Variants in HPSE observed in about 807,000 individuals in gnomAD.
HPSE encodes heparanase.
In HPSE, 48 loss-of-function variants were observed where a neutral mutation model predicts 65.1. That is an observed-to-expected ratio of 0.74 (90% CI 0.58 to 0.94). The LOEUF is 0.94. Among genes scored for constraint, HPSE ranks in the 40% least tolerant of loss-of-function variants. HPSE has a pLI of 0.00. For missense variants in HPSE, 644 were observed against 637.5 expected (o/e 1.01, Z -0.11); for synonymous variants, 243 against 260.0 (o/e 0.93, Z 0.63).
rs367786140 is a variant in HPSE at position 83,295,433 on chromosome 4, G to T, written c.1543C>A (p.Pro515Thr). The T allele has an allele frequency of 2.2e-5, 36 of 1,613,444 alleles. No homozygotes were observed. Among genetic ancestry groups the T allele is most frequent in the Non-Finnish European group, 3.0e-5 (35 of 1,179,526 alleles). ...DQTLPPLMEK[P>T]LRPGSSLGLP... ...CCCAGTGAACTTCCTGGCCGGAGAG[G>T]TTTTTCCATTAAAGGTGGCAAGGTT... is the stretch of plus-strand genomic sequence containing the variant. The change falls in exon 12 of 12, where the codon CCT (proline) becomes ACT (threonine). Residue 515 changes from proline (P) to threonine (T), a missense_variant. Physicochemically the swap from Pro to Thr is conservative, Grantham distance 38. Coordinates refer to ENST00000311412, the MANE Select transcript of HPSE (RefSeq NM_001098540.3).
Position 83,294,592 on chromosome 4 carries a change from T to C in HPSE, c.*752A>G, listed in dbSNP as rs62303675. On this transcript the variant is annotated 3_prime_UTR_variant, in exon 12 of 12. Coordinates refer to ENST00000311412, the MANE Select transcript of HPSE (RefSeq NM_001098540.3). ...GGGTAACATAGCGAGACCCCATCTCTACAAAAAATTTTTTAAAAATAGCCA... is the reference window on the plus strand; with the variant it reads ...GGGTAACATAGCGAGACCCCATCTCCACAAAAAATTTTTTAAAAATAGCCA... 32,349 of 151,928 alleles carry C rather than the reference T, an allele frequency of 0.21. 3,746 individuals carry two copies. Among genetic ancestry groups the C allele is most frequent in the Middle Eastern group, 0.32 (94 of 294 alleles). 9.4% of individuals were successfully genotyped at this position (151,928 alleles called of 1,614,324 possible).
At position 83,334,805 on chromosome 4, in the gene HPSE, C is replaced by G. The variant is rs1019927728; in HGVS notation, c.-23G>C. The G allele has an allele frequency of 5.4e-6, 8 of 1,491,374 alleles. No individual in the cohort carries two copies. Among genetic ancestry groups the G allele is most frequent in the Non-Finnish European group, 7.1e-6 (8 of 1,120,816 alleles). 92.4% of individuals were successfully genotyped at this position (1,491,374 alleles called of 1,614,324 possible). ...CATCTTGGGCTCACCTGGCTGCTCC[C>G]CCCGCCAGCTGCCGCGCAGCGGAGA... is the stretch of plus-strand genomic sequence containing the variant. On this transcript the variant is annotated 5_prime_UTR_variant, in exon 1 of 12. Coordinates refer to ENST00000311412, the MANE Select transcript of HPSE (RefSeq NM_001098540.3).
At chr4:83,304,405 G>A (rs546228788) in intron 9 of HPSE, among the ~76,000 whole-genome samples, 4 of 152,290 alleles carry the variant, frequency 2.6e-5, no homozygotes, top group Non-Finnish European at 4.4e-5. Flanking sequence ...CCTTTAGCTC[G>A]AAATAATCCT....
At chr4:83,313,386 T>A in intron 3 of HPSE, 99 bp from the exon 4 acceptor site, 1 of 714,098 alleles carries the variant, frequency 1.4e-6, no homozygotes, top group Non-Finnish European at 2.2e-6. Flanking sequence ...GTTGTTAAAC[T>A]GAAGAAATTC....
chr4:83,323,112 C>T (rs1210296840), intron 1 of HPSE, among the ~76,000 whole-genome samples: 3 of 152,024 alleles, frequency 2.0e-5, no homozygotes, highest in Non-Finnish European at 4.4e-5. Context: ...AATAGATCGT[C>T]CGAAACTATG....
intron 2 of HPSE, among the ~76,000 whole-genome samples, chr4:83,322,017 C>A (rs1352733284): frequency 9.5e-6 from 1 of 105,464 alleles, no homozygotes; most frequent in African/African-American, 3.8e-5. Context: ...TGTGAGGCCT[C>A]ACACTGAACA....
Position 83,322,287 on chromosome 4 carries a change from A to AG in HPSE, c.304dup (p.Leu102ProfsTer12). 1 of 1,613,978 alleles carries AG rather than the reference A, an allele frequency of 6.2e-7. No individual in the cohort carries two copies. Among genetic ancestry groups the AG allele is most frequent in the Non-Finnish European group, 8.5e-7 (1 of 1,179,848 alleles). Reference sequence around the variant, plus strand: ...TGATTCCTTCTTGGGATCGAAAATTAGGAAGTCTGTCTTGGTGCCACCAAA... The same window carrying AG: ...TGATTCCTTCTTGGGATCGAAAATTAGGGAAGTCTGTCTTGGTGCCACCAAA... On this transcript the variant is annotated frameshift_variant, in exon 2 of 12. Coordinates refer to ENST00000311412, the MANE Select transcript of HPSE (RefSeq NM_001098540.3). LOFTEE classifies it high-confidence loss of function.
chr4:83,295,120 T>C lies in HPSE; in HGVS notation c.*224A>G, dbSNP rs747604505. The stretch of plus-strand genomic sequence containing the variant: ...TTAGATAAAAGTAAAACATGCAAAA[T>C]GCTAAGCAGTATTTGGAACAAGGTA... On this transcript the variant is annotated 3_prime_UTR_variant, in exon 12 of 12. Coordinates refer to ENST00000311412, the MANE Select transcript of HPSE (RefSeq NM_001098540.3). 6.9e-6 allele frequency: 2 copies of C among 291,616 alleles called. No homozygotes were observed. The highest frequency in any genetic ancestry group is 1.3e-5 in the Non-Finnish European group (2 of 159,378). The allele number at this position is 291,616 out of a possible 1,614,324, so 18.1% of individuals were successfully genotyped here. A position where few individuals can be genotyped will look rare whatever the true frequency, so the allele number is the denominator to read the frequency against.
intron 11 of HPSE, among the ~76,000 whole-genome samples, chr4:83,298,944 A>G (rs1400712551): frequency 6.6e-6 from 1 of 152,174 alleles, no homozygotes. Flanking sequence ...CTAGGATACT[A>G]TTTTGCAAAA....
At position 83,331,402 on chromosome 4, in the gene HPSE, A is replaced by G. The variant is rs1737366477; in HGVS notation, c.227+3154T>C. On this transcript the variant is annotated intron_variant, in intron 1 of 11. Transcript: ENST00000311412. ...AAATTAATTTCACTTGTTTCTTTTT[A>G]CCTTTTTAATATGGCTACTAGAAAA... 2.0e-5 allele frequency among the ~76,000 whole-genome samples: 3 copies of G among 152,312 alleles called. No individual in the cohort carries two copies. In the East Asian group the frequency reaches 5.8e-4, roughly 29 times the overall value.
intron 9 of HPSE, among the ~76,000 whole-genome samples, chr4:83,304,762 T>G (rs916505572): frequency 6.6e-6 from 1 of 152,322 alleles, no homozygotes; most frequent in Admixed American, 6.5e-5. Flanking sequence ...GACAAATGGC[T>G]TTTGTTTCTC....
upstream of HPSE, chr4:83,334,874 T>C: frequency 2.1e-6 from 3 of 1,433,482 alleles, no homozygotes; most frequent in Non-Finnish European, 2.7e-6. Flanking sequence ...CCAGCGCCCT[T>C]TTCTCCTTTC....
chr4:83,332,472 G>A (rs929122701), intron 1 of HPSE, among the ~76,000 whole-genome samples: 1 of 152,258 alleles, frequency 6.6e-6, no homozygotes, highest in African/African-American at 2.4e-5. Context: ...GCCAGCCTTG[G>A]AGAGAAGCAC....
chr4:83,322,350 C>A lies in HPSE; in HGVS notation c.242G>T (p.Arg81Leu). Reference protein sequence around the residue: ...FLILLGSPKLRTLARGLSPAY... With the variant: ...FLILLGSPKLLTLARGLSPAY... ...AGGAGACAAGCCTCTGGCCAAGGTACGAAGCTTTGGAGAACTGTTAGGAAG... is the reference window on the plus strand; with the variant it reads ...AGGAGACAAGCCTCTGGCCAAGGTAAGAAGCTTTGGAGAACTGTTAGGAAG... Residue 81 changes from arginine to leucine, a missense_variant, in exon 2 of 12, where the codon CGT becomes CTT. Arg to Leu is a moderately radical substitution (Grantham distance 102). Coordinates refer to ENST00000311412, the MANE Select transcript of HPSE (RefSeq NM_001098540.3). 1 of 1,611,578 alleles carries A rather than the reference C, an allele frequency of 6.2e-7. No homozygotes were observed. Among genetic ancestry groups the A allele is most frequent in the African/African-American group, 1.3e-5 (1 of 74,904 alleles).
rs1737163490 is a variant in HPSE at position 83,326,560 on chromosome 4, G to A, written c.228-4196C>T. Among the ~76,000 whole-genome samples the A allele has an allele frequency of 1.3e-5, 2 of 152,224 alleles. No homozygotes were observed. The highest frequency in any genetic ancestry group is 6.5e-5 in the Admixed American group (1 of 15,280). Reference sequence around the variant, plus strand: ...CCAAAAAACATACTTCCATCCATCAGGCGCTTCGCCCTGTGTGTCTGGAAC... The same window carrying A: ...CCAAAAAACATACTTCCATCCATCAAGCGCTTCGCCCTGTGTGTCTGGAAC... On this transcript the variant is annotated intron_variant, in intron 1 of 11. Coordinates refer to ENST00000311412, the MANE Select transcript of HPSE (RefSeq NM_001098540.3). The surrounding 1 kb of genome is among the most constrained non-coding windows in gnomAD (Gnocchi z 4.2).
intron 9 of HPSE, among the ~76,000 whole-genome samples, chr4:83,303,371 G>A (rs916418593): frequency 2.0e-5 from 3 of 152,146 alleles, no homozygotes; most frequent in Non-Finnish European, 2.9e-5. Context: ...AAACTTAAGA[G>A]ACTTATCAAC....
Position 83,331,404 on chromosome 4 carries a change from C to T in HPSE, c.227+3152G>A, listed in dbSNP as rs575385289. 9.2e-5 allele frequency among the ~76,000 whole-genome samples: 14 copies of T among 151,674 alleles called. 1 individual carries two copies. In the South Asian group the frequency reaches 2.7e-3, roughly 29 times the overall value. ...ATTAATTTCACTTGTTTCTTTTTAC[C>T]TTTTTAATATGGCTACTAGAAAATT... On this transcript the variant is annotated intron_variant, in intron 1 of 11. Coordinates refer to ENST00000311412, the MANE Select transcript of HPSE (RefSeq NM_001098540.3).
intron 3 of HPSE, among the ~76,000 whole-genome samples, chr4:83,318,710 CAA>C (rs11392395): frequency 5.9e-4 from 53 of 89,746 alleles, no homozygotes; most frequent in Admixed American, 6.7e-4. Flanking sequence ...GATTCCATCT[CAA>C]AAAAAAAAAA....
intron 8 of HPSE, among the ~76,000 whole-genome samples, chr4:83,306,802 T>C (rs1209490797): frequency 6.6e-6 from 1 of 152,154 alleles, no homozygotes; most frequent in Non-Finnish European, 1.5e-5. Flanking sequence ...ACAAATTAGC[T>C]ACAACATTAG....
Sources: gnomAD v4.1 joint callset for allele counts (sites outside exome capture counted in the v4.1 genomes callset) on GRCh38, gnomAD v4.1.1 for gene constraint, Gnocchi (gnomAD v3.1) non-coding constraint, MANE v1.5 for transcripts, NCBI Gene and HGNC (gene_info 2026-07-23, HGNC 2026-07-21) for gene names.